The following UGT8 variants were observed in gnomAD, a reference collection of about 807,000 sequenced individuals.
UGT8 encodes UDP glycosyltransferase 8, also known as 2-hydroxyacylsphingosine 1-beta-galactosyltransferase.
In UGT8, 12 loss-of-function variants were observed where a neutral mutation model predicts 40.5. The observed-to-expected ratio is 0.30, with a 90% confidence interval of 0.19 to 0.48. The LOEUF is 0.48. Among genes scored for constraint, UGT8 ranks in the 20% least tolerant of loss-of-function variants. The pLI, the probability that UGT8 is intolerant of heterozygous loss-of-function variation, is 0.99. For synonymous variants in UGT8, 224 were observed against 240.4 expected (o/e 0.93, Z 0.63); for missense variants, 513 against 648.7 (o/e 0.79, Z 2.27).
intron 1 of UGT8, among the ~76,000 whole-genome samples, chr4:114,599,815 A>G (rs1054592391): frequency 6.6e-6 from 1 of 152,134 alleles, no homozygotes; most frequent in South Asian, 2.1e-4. Context: ...TGAAGGAGGC[A>G]AACCGCATCG....
intron 1 of UGT8, among the ~76,000 whole-genome samples, chr4:114,621,091 C>T (rs138505631): frequency 7.2e-5 from 11 of 152,152 alleles, no homozygotes; most frequent in South Asian, 2.1e-4. Context: ...ATGGTCCCCA[C>T]GTATAGTATA....
At chr4:114,629,153 A>G (rs188958306) in intron 2 of UGT8, among the ~76,000 whole-genome samples, 15 of 152,296 alleles carry the variant, frequency 9.8e-5, no homozygotes, top group African/African-American at 3.6e-4. Flanking sequence ...ATAATTACAT[A>G]TGCAATTTGT....
chr4:114,627,238 C>T (rs1420495749), intron 2 of UGT8, among the ~76,000 whole-genome samples: 1 of 151,376 alleles, frequency 6.6e-6, no homozygotes, highest in Non-Finnish European at 1.5e-5. Context: ...GTAGACAGGT[C>T]CCTATTTGAA....
At chr4:114,653,819 G>A (rs995421616) in intron 2 of UGT8, among the ~76,000 whole-genome samples, 1 of 152,006 alleles carries the variant, frequency 6.6e-6, no homozygotes, top group Non-Finnish European at 1.5e-5. Context: ...CAGTATTAAT[G>A]TGCTGTTAAT....
chr4:114,599,128 G>A (rs1730277448), intron 1 of UGT8, among the ~76,000 whole-genome samples, 154 bp downstream of exon 1: 1 of 151,682 alleles, frequency 6.6e-6, no homozygotes, highest in Non-Finnish European at 1.5e-5. Flanking sequence ...ACAGGGTTGG[G>A]CTGAGGAAGT....
At chr4:114,651,700 A>G (rs1208026531) in intron 2 of UGT8, among the ~76,000 whole-genome samples, 2 of 152,128 alleles carry the variant, frequency 1.3e-5, no homozygotes, top group African/African-American at 4.8e-5. Context: ...ACCTTAAGTT[A>G]TCTTCCAGAA....
chr4:114,663,747 T>G, intron 2 of UGT8: 2 of 985,304 alleles, frequency 2.0e-6, no homozygotes, highest in Non-Finnish European at 2.4e-6. Context: ...CTTTAGCAAC[T>G]GATTTTTTAA....
chr4:114,655,148 TA>T (rs1440070382), intron 2 of UGT8, among the ~76,000 whole-genome samples: 1 of 151,882 alleles, frequency 6.6e-6, no homozygotes, highest in Non-Finnish European at 1.5e-5. Context: ...AATTTAAAAA[TA>T]AAAATCGATT....
chr4:114,622,802 A>G, intron 1 of UGT8, 77 bp from the exon 2 acceptor site: 1 of 1,339,714 alleles, frequency 7.5e-7, no homozygotes, highest in Non-Finnish European at 1.0e-6. Flanking sequence ...TTTTTGGGGA[A>G]AAATGCTTTG....
At chr4:114,638,566 A>G (rs1373690339) in intron 2 of UGT8, among the ~76,000 whole-genome samples, 1 of 152,132 alleles carries the variant, frequency 6.6e-6, no homozygotes, top group Non-Finnish European at 1.5e-5. Flanking sequence ...TTTCCATAGT[A>G]TTTTATTGAA....
At chr4:114,618,962 T>C (rs183031063) in intron 1 of UGT8, among the ~76,000 whole-genome samples, 1 of 152,282 alleles carries the variant, frequency 6.6e-6, no homozygotes, top group African/African-American at 2.4e-5. Flanking sequence ...ACTGATGCAT[T>C]GATTTCATGT....
chr4:114,624,842 A>C (rs938624850), intron 2 of UGT8, among the ~76,000 whole-genome samples: 1 of 152,160 alleles, frequency 6.6e-6, no homozygotes, highest in Non-Finnish European at 1.5e-5. Flanking sequence ...CAGCATTTCA[A>C]ATATATACAG....
chr4:114,660,133 T>C (rs1269787826), intron 2 of UGT8, among the ~76,000 whole-genome samples: 2 of 152,128 alleles, frequency 1.3e-5, no homozygotes, highest in Non-Finnish European at 2.9e-5. Context: ...AAAGATAATC[T>C]TGAAGTGAGA....
intron 1 of UGT8, among the ~76,000 whole-genome samples, chr4:114,614,624 C>G (rs1462942089): frequency 6.6e-6 from 1 of 152,110 alleles, no homozygotes; most frequent in East Asian, 1.9e-4. Flanking sequence ...TTCCTTCTTC[C>G]TTTGCATTCA....
At chr4:114,661,503 A>G (rs1204403762) in intron 2 of UGT8, among the ~76,000 whole-genome samples, 1 of 152,214 alleles carries the variant, frequency 6.6e-6, no homozygotes, top group Admixed American at 6.5e-5. Flanking sequence ...AGCAAATTTA[A>G]GATTGCTTCA....
intron 1 of UGT8, among the ~76,000 whole-genome samples, chr4:114,609,379 A>T (rs1323226577): frequency 6.6e-6 from 1 of 152,238 alleles, no homozygotes; most frequent in African/African-American, 2.4e-5. Context: ...ATAATTCTTG[A>T]AGGCATTTGA....
chr4:114,611,408 A>G (rs1281571971), intron 1 of UGT8, among the ~76,000 whole-genome samples: 4 of 11,802 alleles, frequency 3.4e-4, no homozygotes, highest in African/African-American at 6.0e-4. Flanking sequence ...ATATCCATAT[A>G]TATATATATA....
chr4:114,667,961 C>G, intron 4 of UGT8, 124 bp from the exon 5 acceptor site: 1 of 1,443,852 alleles, frequency 6.9e-7, no homozygotes, highest in Admixed American at 2.7e-5. Flanking sequence ...TGAAATTACA[C>G]CTTTAGGAAT....
intron 2 of UGT8, among the ~76,000 whole-genome samples, chr4:114,662,723 T>C (rs1452721446): frequency 6.7e-6 from 1 of 148,478 alleles, no homozygotes; most frequent in Non-Finnish European, 1.5e-5. Flanking sequence ...ATAAAATGAA[T>C]AGAAAAGGGA....
Sources: allele counts gnomAD v4.1 joint callset (sites outside exome capture counted in the v4.1 genomes callset), GRCh38; gene constraint gnomAD v4.1.1; transcripts MANE v1.5; gene names NCBI Gene and HGNC (gene_info 2026-07-23, HGNC 2026-07-21).